Variants in UGGT1 observed in about 807,000 individuals in gnomAD.
UGGT1 encodes the protein UDP-glucose:glycoprotein glucosyltransferase 1.
A neutral mutation model predicts 203.9 loss-of-function variants in UGGT1; 107 were observed. The observed-to-expected ratio is 0.52, with a 90% CI of 0.45 to 0.62. The LOEUF (loss-of-function observed/expected upper bound fraction) is 0.62, where lower values mean the gene tolerates loss of function less well. UGGT1 is among the 20% of genes least tolerant of loss of function. UGGT1 has a pLI of 0.00. For synonymous variants in UGGT1, 628 were observed against 653.5 expected (o/e 0.96, Z 0.59); for missense variants, 1,673 against 1,867.2 (o/e 0.90, Z 1.92).
intron 5 of UGGT1, among the ~76,000 whole-genome samples, chr2:128,111,528 C>T (rs1000415427): frequency 4.6e-5 from 7 of 151,910 alleles, no homozygotes; most frequent in African/African-American, 7.2e-5. Flanking sequence ...ATTTTTGAGA[C>T]GGAGTCTCGC....
chr2:128,156,209 A>C (rs1690217906), intron 20 of UGGT1, among the ~76,000 whole-genome samples, 183 bp from the exon 21 acceptor site: 1 of 152,150 alleles, frequency 6.6e-6, no homozygotes, highest in Non-Finnish European at 1.5e-5. Context: ...CAATTACTCC[A>C]TTTGGTTCTT....
chr2:128,183,597 C>G, intron 37 of UGGT1, 78 bp from the exon 38 acceptor site: 1 of 1,041,582 alleles, frequency 9.6e-7, no homozygotes, highest in South Asian at 1.4e-5. Flanking sequence ...GGCTAGTGGC[C>G]TGTTCCATTA....
At position 128,161,221 on chromosome 2, in the gene UGGT1, A is replaced by G. The variant is rs1420884878; in HGVS notation, c.2778A>G (p.Gly926=). 6.2e-7 allele frequency: 1 copy of G among 1,613,972 alleles called. No individual in the cohort carries two copies. The highest frequency in any genetic ancestry group is 1.3e-5 in the African/African-American group (1 of 74,948). ...AAAATATCATCTTAAAAACCTCAGG[A>G]CAGAAAATAAAATCTCATATTCAAC... ...LLENIILKTS[G]QKIKSHIQQL... The change falls in exon 25 of 41, where the codon GGA becomes GGG. Residue 926 remains glycine (G), a synonymous_variant. Coordinates refer to ENST00000259253, the MANE Select transcript of UGGT1 (RefSeq NM_020120.4).
intron 32 of UGGT1, among the ~76,000 whole-genome samples, 191 bp downstream of exon 32, chr2:128,177,089 A>G (rs1691432866): frequency 6.6e-6 from 1 of 151,956 alleles, no homozygotes; most frequent in Non-Finnish European, 1.5e-5. Context: ...CTTTTGGGTA[A>G]TCTCGGTGTG....
In UGGT1 at chr2:128,123,386, A is replaced by C. The variant is rs138463908; in HGVS notation, c.1134+140A>C. On this transcript the variant is annotated intron_variant, in intron 11 of 40. Transcript: ENST00000259253. ...ATTTTTTCATTTCTGTGATCTTTGC[A>C]TTTTTAGTTTTTAATGAAAGTTCAG... 7 of 776,160 alleles carry C rather than the reference A, an allele frequency of 9.0e-6. No individual in the cohort carries two copies. In the African/African-American group the frequency reaches 1.1e-4, roughly 12 times the overall value. 48.1% of individuals were successfully genotyped at this position (776,160 alleles called of 1,614,324 possible).
At chr2:128,131,756 T>A (rs551045420) in intron 13 of UGGT1, among the ~76,000 whole-genome samples, 1 of 152,164 alleles carries the variant, frequency 6.6e-6, no homozygotes, top group South Asian at 2.1e-4. Flanking sequence ...GCCTCCCGAG[T>A]AGCTGGGACT....
In UGGT1 at chr2:128,133,192, T is replaced by C. The variant is rs139787534; in HGVS notation, c.1429T>C (p.Leu477=). Residue 477 remains leucine (L), a synonymous_variant, in exon 14 of 41, where the codon TTA becomes CTA. Transcript: ENST00000259253. ...DSRYNSWPSS[L]QELLRPTFPG... is the part of the protein sequence containing the mutation. The stretch of plus-strand genomic sequence containing the variant: ...CAGATATAATTCGTGGCCTTCTAGT[T>C]TACAAGAGTTGCTTCGACCCACCTT... 6.2e-7 allele frequency: 1 copy of C among 1,614,140 alleles called. No homozygotes were observed. Among genetic ancestry groups the C allele is most frequent in the African/African-American group, 1.3e-5 (1 of 75,070 alleles).
chr2:128,161,295 A>G (rs755138168), intron 25 of UGGT1, 27 bp downstream of exon 25: 2 of 1,609,746 alleles, frequency 1.2e-6, no homozygotes, highest in Non-Finnish European at 8.5e-7. Flanking sequence ...GAGGAATTAC[A>G]GGGGTTATAT....
rs199987476 is a variant in UGGT1 at position 128,129,223 on chromosome 2, A to T, written c.1377+44A>T. On this transcript the variant is annotated intron_variant, in intron 13 of 40. Transcript: ENST00000259253. Reference sequence around the variant, plus strand: ...TGATCAAAGGACTTTCTGACCAGGAATCTTTTTTATGGTTTCTGATTTGTC... The same window carrying T: ...TGATCAAAGGACTTTCTGACCAGGATTCTTTTTTATGGTTTCTGATTTGTC... 50 of 1,561,820 alleles carry T rather than the reference A, an allele frequency of 3.2e-5. No individual in the cohort carries two copies. The Admixed American group carries it at 1.0e-3, about 31-fold the overall frequency.
intron 38 of UGGT1, among the ~76,000 whole-genome samples, chr2:128,185,249 G>A (rs1294767258): frequency 6.7e-6 from 1 of 150,098 alleles, no homozygotes; most frequent in East Asian, 2.0e-4. Flanking sequence ...GCCCAGGCTG[G>A]AGTGCAGTGG....
At chr2:128,179,715 T>A in intron 34 of UGGT1, 71 bp from the exon 35 acceptor site, 5 of 1,325,574 alleles carry the variant, frequency 3.8e-6, no homozygotes, top group Non-Finnish European at 5.3e-6. Flanking sequence ...TGTCTCGTGA[T>A]TGACTCTACA....
At chr2:128,169,524 A>G (rs1369013779) in intron 26 of UGGT1, among the ~76,000 whole-genome samples, 1 of 152,252 alleles carries the variant, frequency 6.6e-6, no homozygotes, top group Non-Finnish European at 1.5e-5. Flanking sequence ...AAGTATTTGT[A>G]TCCTTTGTCT....
At chr2:128,186,572 A>C (rs1318475412) in intron 38 of UGGT1, 111 bp from the exon 39 acceptor site, 1 of 789,400 alleles carries the variant, frequency 1.3e-6, no homozygotes, top group Non-Finnish European at 1.9e-6. Flanking sequence ...GTACTACTGC[A>C]CTCCAACCTG....
At chr2:128,145,158 T>C (rs1475298379) in intron 17 of UGGT1, among the ~76,000 whole-genome samples, 5 of 152,226 alleles carry the variant, frequency 3.3e-5, no homozygotes, top group Admixed American at 6.5e-5. Context: ...GTAATTTCTT[T>C]GTTAGTGATA....
intron 15 of UGGT1, among the ~76,000 whole-genome samples, chr2:128,135,263 C>T (rs1285488805): frequency 6.6e-6 from 1 of 152,182 alleles, no homozygotes; most frequent in South Asian, 2.1e-4. Flanking sequence ...ATCACAAAAC[C>T]TATTTCCACT....
At chr2:128,108,139 C>A in intron 4 of UGGT1, 71 bp downstream of exon 4, 1 of 1,535,922 alleles carries the variant, frequency 6.5e-7, no homozygotes, top group South Asian at 1.2e-5. Flanking sequence ...CCCCAGTTGT[C>A]CTGGAATTGA....
At chr2:128,100,416 C>A (rs962106675) in intron 2 of UGGT1, among the ~76,000 whole-genome samples, 1 of 151,462 alleles carries the variant, frequency 6.6e-6, no homozygotes, top group Non-Finnish European at 1.5e-5. Context: ...GTTTAACATT[C>A]TTTTTTTGAG....
intron 7 of UGGT1, 39 bp from the exon 8 acceptor site, chr2:128,116,226 A>G (rs1688093701): frequency 2.2e-6 from 3 of 1,351,672 alleles, no homozygotes; most frequent in Non-Finnish European, 3.1e-6. Context: ...TTCAAATCTG[A>G]GCAATTATTA....
intron 19 of UGGT1, among the ~76,000 whole-genome samples, chr2:128,154,321 A>G (rs1403119938): frequency 6.6e-6 from 1 of 152,232 alleles, no homozygotes; most frequent in Non-Finnish European, 1.5e-5. Context: ...AATAAGGAAC[A>G]TAATAGCGGT....
Sources: gnomAD v4.1 joint callset for allele counts (sites outside exome capture counted in the v4.1 genomes callset) on GRCh38, gnomAD v4.1.1 for gene constraint, MANE v1.5 for transcripts, NCBI Gene and HGNC (gene_info 2026-07-23, HGNC 2026-07-21) for gene names.